KCNIP4: variants seen among roughly 807,000 people sequenced by gnomAD.
The protein encoded by KCNIP4 is potassium voltage-gated channel interacting protein 4, also known as Kv channel-interacting protein 4.
A neutral mutation model predicts 34.0 loss-of-function variants in KCNIP4; 12 were observed. The ratio of observed to expected loss-of-function variants is 0.35; its 90% CI spans 0.23 to 0.57. The LOEUF (loss-of-function observed/expected upper bound fraction) is 0.57. KCNIP4 is among the 20% of genes least tolerant of loss of function. The pLI is 0.83. For missense variants in KCNIP4, 238 were observed against 311.7 expected (o/e 0.76, Z 1.78); for synonymous variants, 124 against 102.2 (o/e 1.21, Z -1.29).
At chr4:21,598,582 T>C (rs1467710083) in intron 1 of KCNIP4, among the ~76,000 whole-genome samples, 2 of 152,074 alleles carry the variant, frequency 1.3e-5, no homozygotes, top group African/African-American at 4.8e-5. Context: ...GGTATGATGG[T>C]GAGAAAGTCA....
chr4:21,661,720 C>T (rs547327345), intron 1 of KCNIP4, among the ~76,000 whole-genome samples: 1 of 152,138 alleles, frequency 6.6e-6, no homozygotes, highest in South Asian at 2.1e-4. Context: ...CCTGCCCCCA[C>T]CCTCCACCCT....
intron 1 of KCNIP4, among the ~76,000 whole-genome samples, chr4:21,414,468 T>C (rs1724776491): frequency 6.6e-6 from 1 of 152,104 alleles, no homozygotes; most frequent in South Asian, 2.1e-4. Flanking sequence ...ATTGAAACCC[T>C]CTCAGGCTCC....
intron 3 of KCNIP4, among the ~76,000 whole-genome samples, chr4:20,827,307 A>G (rs1035133481): frequency 6.6e-6 from 1 of 152,154 alleles, no homozygotes; most frequent in Non-Finnish European, 1.5e-5. Context: ...CTCTAAGAGC[A>G]AGGCATGGAC....
At chr4:21,358,895 C>A (rs1336574658) in intron 1 of KCNIP4, among the ~76,000 whole-genome samples, 1 of 152,052 alleles carries the variant, frequency 6.6e-6, no homozygotes. Context: ...ACCTTTGCTT[C>A]GAGTTATCCT....
At chr4:20,996,123 C>T (rs1238535933) in intron 1 of KCNIP4, among the ~76,000 whole-genome samples, 2 of 152,120 alleles carry the variant, frequency 1.3e-5, no homozygotes, top group Non-Finnish European at 2.9e-5. Context: ...CTAAACAAAT[C>T]CAATCAACAA....
chr4:20,787,293 T>A (rs2149399947), intron 3 of KCNIP4, among the ~76,000 whole-genome samples: 1 of 152,276 alleles, frequency 6.6e-6, no homozygotes, highest in South Asian at 2.1e-4. Context: ...ACAAATTTGC[T>A]ACCACCGCAA....
intron 1 of KCNIP4, among the ~76,000 whole-genome samples, chr4:21,404,569 T>C (rs1321033520): frequency 6.6e-6 from 1 of 152,194 alleles, no homozygotes; most frequent in East Asian, 1.9e-4. Flanking sequence ...ATACACATCA[T>C]ATTTTTATAA....
At chr4:21,415,999 A>G (rs1044920573) in intron 1 of KCNIP4, among the ~76,000 whole-genome samples, 2 of 152,228 alleles carry the variant, frequency 1.3e-5, no homozygotes, top group Non-Finnish European at 2.9e-5. Flanking sequence ...AAGCTTCTGT[A>G]AAGATTTCAC....
intron 1 of KCNIP4, among the ~76,000 whole-genome samples, chr4:21,258,165 C>T (rs2109096705): frequency 6.6e-6 from 1 of 152,266 alleles, no homozygotes; most frequent in East Asian, 1.9e-4. Flanking sequence ...GGAATTCTAG[C>T]CCCACTTCAC....
In KCNIP4 at chr4:21,678,492, C is replaced by T. The variant is rs76526400; in HGVS notation, c.61+270079G>A. Among the ~76,000 whole-genome samples, 482 of 152,262 alleles carry T rather than the reference C, an allele frequency of 3.2e-3. 14 individuals are homozygous for T. In the East Asian group the frequency reaches 0.064, roughly 20 times the overall value. Reference sequence around the variant, plus strand: ...CTGCAGTGGTTCCCCATTCCACTCACGACATGTGCTTAGGTCCTCACCATG... The same window carrying T: ...CTGCAGTGGTTCCCCATTCCACTCATGACATGTGCTTAGGTCCTCACCATG... On this transcript the variant is annotated intron_variant, in intron 1 of 8. Transcript: ENST00000382152.
At chr4:20,730,735 A>G (rs774506480) in intron 8 of KCNIP4, among the ~76,000 whole-genome samples, 7 of 152,322 alleles carry the variant, frequency 4.6e-5, no homozygotes, top group Non-Finnish European at 8.8e-5. Flanking sequence ...ACCACTGCTC[A>G]GTGGCTGTGT....
intron 1 of KCNIP4, among the ~76,000 whole-genome samples, chr4:21,899,603 A>T (rs10029164): frequency 0.31 from 47,721 of 151,972 alleles, 7,855 homozygotes; most frequent in African/African-American, 0.42. Context: ...GCAGGATACA[A>T]AATTAACCAG....
chr4:20,922,600 T>C (rs1729519553), intron 1 of KCNIP4, among the ~76,000 whole-genome samples: 1 of 149,864 alleles, frequency 6.7e-6, no homozygotes, highest in South Asian at 2.1e-4. Context: ...ATTGGTTCTA[T>C]TTCTCTGGAG....
At chr4:21,936,730 C>T (rs1435888129) in intron 1 of KCNIP4, among the ~76,000 whole-genome samples, 1 of 152,118 alleles carries the variant, frequency 6.6e-6, no homozygotes, top group Non-Finnish European at 1.5e-5. Context: ...TATCCTTAGC[C>T]ACCAATCCTC....
chr4:21,243,574 C>T (rs1760000229), intron 1 of KCNIP4, among the ~76,000 whole-genome samples: 3 of 152,108 alleles, frequency 2.0e-5, no homozygotes, highest in Admixed American at 1.3e-4. Context: ...CCACTTTAAT[C>T]TATCGTATCA....
At chr4:21,247,735 G>GATATGTATATATATAT (rs1760344721) in intron 1 of KCNIP4, among the ~76,000 whole-genome samples, 1 of 61,370 alleles carries the variant, frequency 1.6e-5, no homozygotes, top group Admixed American at 1.8e-4. Context: ...TCCACAGGTG[G>GATATGTATATATATAT]ATATATATAT....
intron 1 of KCNIP4, among the ~76,000 whole-genome samples, chr4:21,502,133 T>G (rs1457901104): frequency 6.6e-6 from 1 of 152,036 alleles, no homozygotes; most frequent in Non-Finnish European, 1.5e-5. Flanking sequence ...ATGAGAGCAG[T>G]ATAAAGGAGA....
intron 1 of KCNIP4, among the ~76,000 whole-genome samples, chr4:21,000,249 T>C (rs1737991438): frequency 1.3e-5 from 2 of 152,162 alleles, no homozygotes; most frequent in South Asian, 4.1e-4. Flanking sequence ...CTCTCCTTCA[T>C]GACTCCTCTA....
intron 1 of KCNIP4, among the ~76,000 whole-genome samples, chr4:21,299,504 G>A (rs1764038413): frequency 6.6e-6 from 1 of 152,108 alleles, no homozygotes; most frequent in African/African-American, 2.4e-5. Flanking sequence ...AAGATTGTAT[G>A]TTTAAGTTTT....
Sources: gnomAD v4.1 joint callset for allele counts (sites outside exome capture counted in the v4.1 genomes callset) on GRCh38, gnomAD v4.1.1 for gene constraint, MANE v1.5 for transcripts, NCBI Gene and HGNC (gene_info 2026-07-23, HGNC 2026-07-21) for gene names.